Variants in ARPC4 observed in about 807,000 individuals in gnomAD.
ARPC4 encodes actin-related protein 2/3 complex subunit 4.
In ARPC4, 3 loss-of-function variants were observed where a neutral mutation model predicts 22.8. The ratio of observed to expected loss-of-function variants is 0.13; its 90% confidence interval spans 0.06 to 0.34. ARPC4 has a LOEUF of 0.34. Ranked by LOEUF, ARPC4 falls within the 10% of genes least tolerant of loss-of-function variation. The probability of loss-of-function intolerance (pLI) is 1.00; values close to 1 mark genes in which losing one functional copy is unlikely to be tolerated. For missense variants in ARPC4, 98 were observed against 211.0 expected (o/e 0.46, Z 3.32); for synonymous variants, 80 against 72.5 (o/e 1.10, Z -0.52).
intron 1 of ARPC4, among the ~76,000 whole-genome samples, chr3:9,794,661 A>G (rs1184987475): frequency 2.0e-5 from 3 of 152,026 alleles, no homozygotes; most frequent in Admixed American, 6.5e-5. Context: ...AGCCTGGACA[A>G]TATAGCAAGA....
At chr3:9,801,632 G>C (rs1185196096) in intron 3 of ARPC4, 29 bp from the exon 4 acceptor site, 1 of 1,577,968 alleles carries the variant, frequency 6.3e-7, no homozygotes. Flanking sequence ...GTCAGCTTTA[G>C]AGAAACATTT....
intron 1 of ARPC4, among the ~76,000 whole-genome samples, chr3:9,796,518 C>T (rs916490709): frequency 2.6e-5 from 4 of 152,142 alleles, no homozygotes; most frequent in Non-Finnish European, 5.9e-5. Context: ...TGGAGGATGA[C>T]TTAGGCAAAG....
intron 1 of ARPC4, among the ~76,000 whole-genome samples, chr3:9,794,182 C>A (rs746851946): frequency 1.3e-5 from 2 of 152,154 alleles, no homozygotes; most frequent in Non-Finnish European, 2.9e-5. Context: ...GAGCCAGTCA[C>A]CCTTTTTAGG....
chr3:9,797,031 A>G (rs1222866650), intron 1 of ARPC4, among the ~76,000 whole-genome samples: 1 of 151,762 alleles, frequency 6.6e-6, no homozygotes, highest in Non-Finnish European at 1.5e-5. Flanking sequence ...CTGCAAATAT[A>G]GATTACTTGT....
In ARPC4 at chr3:9,806,356, T is replaced by A. The variant is rs958709787; in HGVS notation, c.*141T>A. 3.1e-6 allele frequency: 3 copies of A among 973,366 alleles called. No individual in the cohort carries two copies. The African/African-American group carries it at 4.8e-5, about 16-fold the overall frequency. 60.3% of individuals were successfully genotyped at this position (973,366 alleles called of 1,614,324 possible). A position where few individuals can be genotyped will look rare whatever the true frequency, so the allele number is the denominator to read the frequency against. ...CATTTGATGCGGGAGGTGGGTGGTG[T>A]GCTTGCTAGCTGGGCAAGAAAGCAG... On this transcript the variant is annotated 3_prime_UTR_variant, in exon 6 of 6. Transcript: ENST00000397261.
upstream of ARPC4, chr3:9,793,051 T>C: frequency 6.5e-7 from 1 of 1,544,294 alleles, no homozygotes; most frequent in Non-Finnish European, 8.7e-7. Context: ...GCTGCGCTTC[T>C]CGCGAAAGGG....
chr3:9,793,910 C>T (rs966011248), intron 1 of ARPC4, among the ~76,000 whole-genome samples: 1 of 152,170 alleles, frequency 6.6e-6, no homozygotes, highest in African/African-American at 2.4e-5. Context: ...TCTGGCTTCT[C>T]AGCTCTCTTT....
chr3:9,802,140 G>A (rs1222748845), intron 4 of ARPC4, among the ~76,000 whole-genome samples: 2 of 146,062 alleles, frequency 1.4e-5, no homozygotes, highest in African/African-American at 5.0e-5. Flanking sequence ...TCAGGAGGCT[G>A]AGGCAGAGAA....
chr3:9,806,516 CTTT>C lies in ARPC4; in HGVS notation c.*320_*322del, dbSNP rs55966635. ...TTGTAGGATACTGTAACCTTTTTGT[CTTT>C]TTTTTTTTTTTTTTTTTTAAACCTC... is the stretch of plus-strand genomic sequence containing the variant. On this transcript the variant is annotated 3_prime_UTR_variant, in exon 6 of 6. Coordinates refer to ENST00000397261, the MANE Select transcript of ARPC4 (RefSeq NM_005718.5). The C allele has an allele frequency of 0.056, 12,767 of 229,852 alleles. No homozygotes were observed. The highest frequency in any genetic ancestry group is 0.084 in the South Asian group (1,645 of 19,676). The allele number at this position is 229,852 out of a possible 1,614,324, so 14.2% of individuals were successfully genotyped here. A position where few individuals can be genotyped will look rare whatever the true frequency, so the allele number is the denominator to read the frequency against.
chr3:9,795,822 G>A (rs2078870660), intron 1 of ARPC4, among the ~76,000 whole-genome samples: 1 of 152,218 alleles, frequency 6.6e-6, no homozygotes, highest in Non-Finnish European at 1.5e-5. Flanking sequence ...GAGGGCAGGT[G>A]CAGTGGTTCA....
At chr3:9,805,858 G>C (rs1043257753) in intron 5 of ARPC4, among the ~76,000 whole-genome samples, 1 of 152,218 alleles carries the variant, frequency 6.6e-6, no homozygotes, top group African/African-American at 2.4e-5. Context: ...TGAGTCCCCA[G>C]GCCCCTTGCA....
At chr3:9,797,972 C>T in intron 2 of ARPC4, 195 bp downstream of exon 2, 2 of 595,054 alleles carry the variant, frequency 3.4e-6, no homozygotes, top group Non-Finnish European at 2.9e-6. Context: ...GGACAGAACC[C>T]AGGGGAAAAG....
chr3:9,793,594 C>T (rs911458209), intron 1 of ARPC4, among the ~76,000 whole-genome samples: 1 of 152,194 alleles, frequency 6.6e-6, no homozygotes, highest in Non-Finnish European at 1.5e-5. Flanking sequence ...TTGGTACCTC[C>T]AGCCCTGCTT....
At chr3:9,800,073 T>G in intron 2 of ARPC4, 112 bp from the exon 3 acceptor site, 1 of 1,047,116 alleles carries the variant, frequency 9.6e-7, no homozygotes, top group Non-Finnish European at 1.4e-6. Flanking sequence ...TGCTTGTGAG[T>G]CTTCTATTCC....
chr3:9,793,006 G>T, upstream of ARPC4: 1 of 1,521,762 alleles, frequency 6.6e-7, no homozygotes. Context: ...TCGGAGCATA[G>T]ATGGTACCGT....
At chr3:9,797,359 A>G (rs531373771) in intron 1 of ARPC4, among the ~76,000 whole-genome samples, 4 of 152,302 alleles carry the variant, frequency 2.6e-5, no homozygotes, top group Non-Finnish European at 4.4e-5. Flanking sequence ...CTTCTTGCCA[A>G]GTCATGACAA....
At chr3:9,793,074 G>C, upstream of ARPC4, 1 of 1,545,694 alleles carries the variant, frequency 6.5e-7, no homozygotes, top group Non-Finnish European at 8.7e-7. Flanking sequence ...GGCATCGCGG[G>C]GCTGGCCACT....
intron 3 of ARPC4, among the ~76,000 whole-genome samples, chr3:9,801,212 GAA>G (rs745696982): frequency 0.021 from 1,390 of 66,316 alleles, 8 homozygotes; most frequent in African/African-American, 0.073. Context: ...TTCCATCTCA[GAA>G]AAAAAAAAAA....
chr3:9,804,098 T>G, intron 5 of ARPC4, 85 bp downstream of exon 5: 1 of 1,493,816 alleles, frequency 6.7e-7, no homozygotes, highest in Non-Finnish European at 9.1e-7. Context: ...GGGAAAGGGG[T>G]CCAAGCAGTG....
Sources: allele counts gnomAD v4.1 joint callset (sites outside exome capture counted in the v4.1 genomes callset), GRCh38; gene constraint gnomAD v4.1.1; transcripts MANE v1.5; gene names NCBI Gene and HGNC (gene_info 2026-07-23, HGNC 2026-07-21).